CRMP1: variants seen among roughly 807,000 people sequenced by gnomAD.
The protein encoded by CRMP1 is dihydropyrimidinase-related protein 1.
In CRMP1, 19 loss-of-function variants were observed where a neutral mutation model predicts 68.3. The observed-to-expected ratio is 0.28, with a 90% CI of 0.19 to 0.41. The LOEUF (loss-of-function observed/expected upper bound fraction) is 0.41, where lower values mean the gene tolerates loss of function less well. Among genes scored for constraint, CRMP1 ranks in the 10% least tolerant of loss-of-function variants. The pLI is 1.00. For missense variants in CRMP1, 791 were observed against 967.4 expected (o/e 0.82, Z 2.42); for synonymous variants, 439 against 399.6 (o/e 1.10, Z -1.18).
In CRMP1 at chr4:5,888,280, G is replaced by T; in HGVS notation, c.381+4309C>A. On this transcript the variant is annotated intron_variant, in intron 1 of 13. Coordinates refer to ENST00000324989, the MANE Select transcript of CRMP1 (RefSeq NM_001014809.3). The surrounding 1 kb of genome is among the most constrained non-coding windows in gnomAD (Gnocchi z 6.4). The stretch of plus-strand genomic sequence containing the variant: ...CTGGTACGACATGGCCCCCTCTGGC[G>T]CCCTCGGCCCGGCCGCTGACCTGCG... 1 of 1,270,510 alleles carries T rather than the reference G, an allele frequency of 7.9e-7. No individual in the cohort carries two copies. Among genetic ancestry groups the T allele is most frequent in the Non-Finnish European group, 1.0e-6 (1 of 1,001,638 alleles). 78.7% of individuals were successfully genotyped at this position (1,270,510 alleles called of 1,614,324 possible).
chr4:5,888,298 G>T lies in CRMP1; in HGVS notation c.381+4291C>A. On this transcript the variant is annotated intron_variant, in intron 1 of 13. Transcript: ENST00000324989. This position sits in a 1 kb window ranked among gnomAD's most constrained non-coding sequence, Gnocchi z 6.4. ...CTCTGGCGCCCTCGGCCCGGCCGCT[G>T]ACCTGCGGGGCTGTCTGACTGGAAC... The T allele has an allele frequency of 7.9e-7, 1 of 1,258,046 alleles. No homozygotes were observed. 77.9% of individuals were successfully genotyped at this position (1,258,046 alleles called of 1,614,324 possible).
chr4:5,825,384 C>T lies in CRMP1; in HGVS notation c.1969+110G>A. 6.8e-7 allele frequency: 1 copy of T among 1,464,066 alleles called. No homozygotes were observed. The highest frequency in any genetic ancestry group is 9.0e-7 in the Non-Finnish European group (1 of 1,115,136). The allele number at this position is 1,464,066 out of a possible 1,614,324, so 90.7% of individuals were successfully genotyped here. ...CGGGTGGGGCACACTCCCTTCCCTG[C>T]TTCTTCATCTAGTGTCCAAGGCCAC... On this transcript the variant is annotated intron_variant, in intron 13 of 13. Transcript: ENST00000324989. The surrounding 1 kb of genome is among the most constrained non-coding windows in gnomAD (Gnocchi z 4.4).
chr4:5,876,475 T>C (rs1714841703), intron 1 of CRMP1, among the ~76,000 whole-genome samples: 1 of 152,112 alleles, frequency 6.6e-6, no homozygotes. Context: ...GGTAACTAAC[T>C]GACCAGTCTC....
chr4:5,843,842 C>A lies in CRMP1; in HGVS notation c.964-681G>T, dbSNP rs901236195. 1.3e-5 allele frequency among the ~76,000 whole-genome samples: 2 copies of A among 152,160 alleles called. No homozygotes were observed. The highest frequency in any genetic ancestry group is 2.9e-5 in the Non-Finnish European group (2 of 68,024). ...CTCTTCCTGGCATCTGTCTTTATGG[C>A]GGGAAACCACTACCTGAAACTTATC... On this transcript the variant is annotated intron_variant, in intron 6 of 13. Transcript: ENST00000324989. The surrounding 1 kb of genome is among the most constrained non-coding windows in gnomAD (Gnocchi z 4.1).
At chr4:5,878,680 C>T (rs900449425) in intron 1 of CRMP1, among the ~76,000 whole-genome samples, 1 of 152,208 alleles carries the variant, frequency 6.6e-6, no homozygotes, top group Non-Finnish European at 1.5e-5. Flanking sequence ...CGTGGCCCCA[C>T]ACCTCCAAAC....
chr4:5,847,383 G>T (rs926381130), intron 6 of CRMP1, among the ~76,000 whole-genome samples: 1 of 152,108 alleles, frequency 6.6e-6, no homozygotes, highest in African/African-American at 2.4e-5. Flanking sequence ...AATTTGCATG[G>T]GAGAGGAACA....
rs1718562777 is a variant in CRMP1, at chr4:5,821,574, A to T, written c.*186T>A. 1.7e-6 allele frequency: 1 copy of T among 605,694 alleles called. No individual in the cohort carries two copies. The highest frequency in any genetic ancestry group is 1.8e-5 in the African/African-American group (1 of 54,372). 37.5% of individuals were successfully genotyped at this position (605,694 alleles called of 1,614,324 possible). On this transcript the variant is annotated 3_prime_UTR_variant, in exon 14 of 14. Coordinates refer to ENST00000324989, the MANE Select transcript of CRMP1 (RefSeq NM_001014809.3). This position sits in a 1 kb window ranked among gnomAD's most constrained non-coding sequence, Gnocchi z 4.4. ...GCATGAACACAACTGTGGGGCAAGG[A>T]ATTTCCAAGCAAACACACCACACTA...
In CRMP1 at chr4:5,839,634, C is replaced by T. The variant is rs376257908; in HGVS notation, c.1198G>A (p.Asp400Asn). The T allele has an allele frequency of 2.0e-5, 33 of 1,613,004 alleles. No individual in the cohort carries two copies. The highest frequency in any genetic ancestry group is 1.6e-4 in the Middle Eastern group (1 of 6,082). Residue 400 changes from aspartate to asparagine, a missense_variant, in exon 9 of 14, where the codon GAT (aspartate) becomes AAT (asparagine). Transcript: ENST00000324989. ...GEPIAASLGT[D>N]GTHYWSKNWA... ...TTCTTGCTCCAGTAATGGGTGCCATCGGTCCCCAGGCTGGCGGCAATGGGC... is the reference window on the plus strand; with the variant it reads ...TTCTTGCTCCAGTAATGGGTGCCATTGGTCCCCAGGCTGGCGGCAATGGGC...
At position 5,877,686 on chromosome 4, in the gene CRMP1, C is replaced by T. The variant is rs1452650929; in HGVS notation, c.382-10930G>A. Among the ~76,000 whole-genome samples, 2 of 152,186 alleles carry T rather than the reference C, an allele frequency of 1.3e-5. No individual in the cohort carries two copies. Among genetic ancestry groups the T allele is most frequent in the East Asian group, 3.9e-4 (2 of 5,192 alleles). On this transcript the variant is annotated intron_variant, in intron 1 of 13. Coordinates refer to ENST00000324989, the MANE Select transcript of CRMP1 (RefSeq NM_001014809.3). This position sits in a 1 kb window ranked among gnomAD's most constrained non-coding sequence, Gnocchi z 4.3. ...GGTAGGGGACAGGGCGGCTTTCCCC[C>T]TTTCATGAATGGGAGATACAGGTAG...
In CRMP1 at chr4:5,880,573, C is replaced by T. The variant is rs541285561; in HGVS notation, c.381+12016G>A. Among the ~76,000 whole-genome samples the T allele has an allele frequency of 3.9e-5, 6 of 152,192 alleles. No individual in the cohort carries two copies. In the South Asian group the frequency reaches 8.3e-4, roughly 21 times the overall value. On this transcript the variant is annotated intron_variant, in intron 1 of 13. Coordinates refer to ENST00000324989, the MANE Select transcript of CRMP1 (RefSeq NM_001014809.3). ...GCAGAGCACAAGATGTGCAATGTGA[C>T]GATCCCACTTGTGTGTAAAAAGTAC...
At position 5,888,561 on chromosome 4, in the gene CRMP1, G is replaced by T; in HGVS notation, c.381+4028C>A. On this transcript the variant is annotated intron_variant, in intron 1 of 13. Transcript: ENST00000324989. This position sits in a 1 kb window ranked among gnomAD's most constrained non-coding sequence, Gnocchi z 6.4. The stretch of plus-strand genomic sequence containing the variant: ...AGACAGCTCCTCCCGGCGGCGCGGA[G>T]CGAAGCCGGATTCGCCCCTCTCGGC... 1 of 1,127,012 alleles carries T rather than the reference G, an allele frequency of 8.9e-7. No individual in the cohort carries two copies. The allele number at this position is 1,127,012 out of a possible 1,614,324, so 69.8% of individuals were successfully genotyped here.
At chr4:5,880,303 T>C (rs1715143306) in intron 1 of CRMP1, among the ~76,000 whole-genome samples, 1 of 152,174 alleles carries the variant, frequency 6.6e-6, no homozygotes, top group South Asian at 2.1e-4. Flanking sequence ...AATTTAAAAG[T>C]TCGATTCAAC....
chr4:5,882,659 T>C (rs1292854053), intron 1 of CRMP1, among the ~76,000 whole-genome samples: 1 of 152,218 alleles, frequency 6.6e-6, no homozygotes, highest in Non-Finnish European at 1.5e-5. Flanking sequence ...TCCAATTACA[T>C]AGCTAGTAAG....
At position 5,887,568 on chromosome 4, in the gene CRMP1, C is replaced by A. The variant is rs1488125698; in HGVS notation, c.381+5021G>T. On this transcript the variant is annotated intron_variant, in intron 1 of 13. Transcript: ENST00000324989. Reference sequence around the variant, plus strand: ...CACCCAGGGACGCAGCCCGGCTGTTCTGCCTCCACCACCGTCCCCACCCTC... The same window carrying A: ...CACCCAGGGACGCAGCCCGGCTGTTATGCCTCCACCACCGTCCCCACCCTC... 1.7e-5 allele frequency: 17 copies of A among 985,362 alleles called. No homozygotes were observed. In the East Asian group the frequency reaches 1.8e-3, roughly 105 times the overall value. The allele number at this position is 985,362 out of a possible 1,614,324, so 61.0% of individuals were successfully genotyped here.
At chr4:5,827,669 T>C (rs913371535) in intron 12 of CRMP1, among the ~76,000 whole-genome samples, 2 of 150,942 alleles carry the variant, frequency 1.3e-5, no homozygotes, top group Non-Finnish European at 2.9e-5. Flanking sequence ...TATGCACACA[T>C]ACACACGTGC....
rs1485946125 is a variant in CRMP1, at chr4:5,888,933, C to T, written c.381+3656G>A. Among the ~76,000 whole-genome samples, 5 of 151,986 alleles carry T rather than the reference C, an allele frequency of 3.3e-5. No homozygotes were observed. The highest frequency in any genetic ancestry group is 9.7e-5 in the African/African-American group (4 of 41,390). ...CCCAAGGACCGCTCCCCTCTTGCCT[C>T]TCCTTCCATAGCCTCCGTTTATCCT... is the stretch of plus-strand genomic sequence containing the variant. On this transcript the variant is annotated intron_variant, in intron 1 of 13. Coordinates refer to ENST00000324989, the MANE Select transcript of CRMP1 (RefSeq NM_001014809.3). This position sits in a 1 kb window ranked among gnomAD's most constrained non-coding sequence, Gnocchi z 6.4.
At position 5,859,243 on chromosome 4, in the gene CRMP1, T is replaced by C. The variant is rs1376056795; in HGVS notation, c.655+1783A>G. Among the ~76,000 whole-genome samples, 1 of 152,242 alleles carries C rather than the reference T, an allele frequency of 6.6e-6. No individual in the cohort carries two copies. Among genetic ancestry groups the C allele is most frequent in the Non-Finnish European group, 1.5e-5 (1 of 68,040 alleles). On this transcript the variant is annotated intron_variant, in intron 3 of 13. Coordinates refer to ENST00000324989, the MANE Select transcript of CRMP1 (RefSeq NM_001014809.3). The surrounding 1 kb of genome is among the most constrained non-coding windows in gnomAD (Gnocchi z 5.2). ...AAGGGCGGGGACCCTTTCAGAGCCC[T>C]GGACTGTTGTCCTCGTGTGCTTTCA...
At chr4:5,876,680 A>G (rs971313061) in intron 1 of CRMP1, among the ~76,000 whole-genome samples, 2 of 152,146 alleles carry the variant, frequency 1.3e-5, no homozygotes, top group Non-Finnish European at 2.9e-5. Context: ...CCACATACTC[A>G]TGATGTTGAA....
rs1188353928 is a variant in CRMP1 at position 5,892,171 on chromosome 4, GA to G, written c.381+417del. Among the ~76,000 whole-genome samples, 1 of 152,126 alleles carries G rather than the reference GA, an allele frequency of 6.6e-6. No homozygotes were observed. The highest frequency in any genetic ancestry group is 1.9e-4 in the East Asian group (1 of 5,166). On this transcript the variant is annotated intron_variant, in intron 1 of 13. Coordinates refer to ENST00000324989, the MANE Select transcript of CRMP1 (RefSeq NM_001014809.3). The surrounding 1 kb of genome is among the most constrained non-coding windows in gnomAD (Gnocchi z 8.6). ...AGGTGCTCTATAATTACTACCGACT[GA>G]GTGGATGGATGAATGGACCAACACG...
Sources: gnomAD v4.1 joint callset for allele counts (sites outside exome capture counted in the v4.1 genomes callset) on GRCh38, gnomAD v4.1.1 for gene constraint, Gnocchi (gnomAD v3.1) non-coding constraint, MANE v1.5 for transcripts, NCBI Gene and HGNC (gene_info 2026-07-23, HGNC 2026-07-21) for gene names.